The following EXPH5 variants were observed in gnomAD, a reference collection of about 807,000 sequenced individuals.
The protein encoded by EXPH5 is exophilin 5.
EXPH5 carries 42 observed loss-of-function variants against 41.1 expected under a neutral mutation model. The ratio of observed to expected loss-of-function variants is 1.02; its 90% CI spans 0.80 to 1.32. The LOEUF (loss-of-function observed/expected upper bound fraction) is 1.32, where lower values mean the gene tolerates loss of function less well. Among genes scored for constraint, EXPH5 ranks in the 40% most tolerant of loss-of-function variants. The pLI is 0.00. For synonymous variants in EXPH5, 798 were observed against 833.5 expected, an observed-to-expected ratio of 0.96 and a Z score of 0.73; for missense variants, 2,298 against 2,314.5, an observed-to-expected ratio of 0.99 and a Z score of 0.15.
chr11:108,574,336 C>T (rs920993903), intron 1 of EXPH5, among the ~76,000 whole-genome samples: 1 of 151,452 alleles, frequency 6.6e-6, no homozygotes, highest in African/African-American at 2.4e-5. Flanking sequence ...TGTCATTACA[C>T]CACTGCACTG....
intron 1 of EXPH5, among the ~76,000 whole-genome samples, chr11:108,546,728 C>T (rs535327804): frequency 2.6e-4 from 40 of 152,138 alleles, no homozygotes; most frequent in Non-Finnish European, 5.0e-4. Context: ...TTATTACTCT[C>T]CTAATCCAGG....
Position 108,514,867 on chromosome 11 carries a change from C to G in EXPH5, c.640G>C (p.Asp214His). Residue 214 changes from aspartate (D) to histidine (H), a missense_variant, in exon 6 of 6, where the codon GAC becomes CAC. Coordinates refer to ENST00000265843, the MANE Select transcript of EXPH5 (RefSeq NM_015065.3). Reference sequence around the variant, plus strand: ...TCCTGAGCCAATTTGCTATCCAAGTCATCTAAAACTGAAAAGAGAATGTGA... The same window carrying G: ...TCCTGAGCCAATTTGCTATCCAAGTGATCTAAAACTGAAAAGAGAATGTGA... The part of the protein sequence containing the change: ...LENEFFQVLD[D>H]LDSKLAQEQS... The G allele has an allele frequency of 6.9e-7, 1 of 1,438,932 alleles. No homozygotes were observed. The highest frequency in any genetic ancestry group is 9.1e-7 in the Non-Finnish European group (1 of 1,095,534). 89.1% of individuals were successfully genotyped at this position (1,438,932 alleles called of 1,614,324 possible).
intron 1 of EXPH5, 132 bp from the exon 2 acceptor site, chr11:108,541,944 C>T (rs1410021777): frequency 4.6e-6 from 3 of 647,808 alleles, no homozygotes; most frequent in Non-Finnish European, 7.6e-6. Flanking sequence ...GTGGCACAAC[C>T]TCGTCTCACT....
intron 1 of EXPH5, among the ~76,000 whole-genome samples, chr11:108,565,627 T>C (rs1423179079): frequency 6.6e-6 from 1 of 152,236 alleles, no homozygotes; most frequent in East Asian, 1.9e-4. Context: ...ATAAAATCAC[T>C]GTCCGAGCTT....
At chr11:108,536,401 G>T (rs550892592) in intron 3 of EXPH5, among the ~76,000 whole-genome samples, 4 of 152,156 alleles carry the variant, frequency 2.6e-5, no homozygotes, top group South Asian at 4.2e-4. Context: ...AAGTTGCTGG[G>T]ACTACAGGCT....
intron 4 of EXPH5, among the ~76,000 whole-genome samples, chr11:108,523,572 G>A (rs2093778940): frequency 6.6e-6 from 1 of 152,108 alleles, no homozygotes; most frequent in African/African-American, 2.4e-5. Flanking sequence ...ATACCAAGGT[G>A]GAAAACTAAC....
At chr11:108,599,034 C>T in the EXPH5 span, among the ~76,000 whole-genome samples, 8 of 112,706 alleles carry the variant, frequency 7.1e-5, no homozygotes, top group East Asian at 5.3e-4. Flanking sequence ...GAAAAAGAGA[C>T]GGAGAGAGAG....
intron 4 of EXPH5, among the ~76,000 whole-genome samples, chr11:108,524,136 C>T (rs1358543297): frequency 2.6e-5 from 4 of 152,114 alleles, no homozygotes; most frequent in Non-Finnish European, 4.4e-5. Context: ...ATGTTGGAGG[C>T]AGGACAGTGT....
chr11:108,605,673 C>T, the EXPH5 span, among the ~76,000 whole-genome samples: 1 of 152,360 alleles, frequency 6.6e-6, no homozygotes, highest in South Asian at 2.1e-4. Flanking sequence ...TTGTGGGATA[C>T]ACTCTGCTAA....
intron 3 of EXPH5, 98 bp from the exon 4 acceptor site, chr11:108,528,282 GAGA>G (rs754363759): frequency 9.0e-6 from 7 of 779,054 alleles, no homozygotes; most frequent in Non-Finnish European, 1.4e-5. Context: ...TTGACACCTT[GAGA>G]AGATCTATTT....
chr11:108,598,867 C>G, the EXPH5 span, among the ~76,000 whole-genome samples: 2 of 152,152 alleles, frequency 1.3e-5, no homozygotes, highest in Non-Finnish European at 2.9e-5. Context: ...ATCCTAAGGA[C>G]GTGGGCTTGG....
chr11:108,534,017 A>T (rs1011185173), intron 3 of EXPH5, among the ~76,000 whole-genome samples: 1 of 151,476 alleles, frequency 6.6e-6, no homozygotes, highest in African/African-American at 2.4e-5. Flanking sequence ...CTAATTTCAA[A>T]CTCTTGGCCT....
intron 4 of EXPH5, among the ~76,000 whole-genome samples, chr11:108,525,287 T>C (rs1413972774): frequency 6.6e-6 from 1 of 152,232 alleles, no homozygotes; most frequent in Admixed American, 6.5e-5. Context: ...CACACCAATC[T>C]GGACAAAAAG....
chr11:108,536,182 C>T (rs1185602577), intron 3 of EXPH5, among the ~76,000 whole-genome samples: 3 of 151,786 alleles, frequency 2.0e-5, no homozygotes, highest in Admixed American at 6.6e-5. Flanking sequence ...CAATCATTTA[C>T]AAATAGGATT....
At position 108,510,731 on chromosome 11, in the gene EXPH5, T is replaced by C; in HGVS notation, c.4776A>G (p.Lys1592=). The change falls in exon 6 of 6, where the codon AAA becomes AAG. Residue 1592 remains lysine, a synonymous_variant. Transcript: ENST00000265843. ...LVKGENRSSV[K]HRLAAMSKAS... Reference sequence around the variant, plus strand: ...CTTTAGACATGGCTGCCAATCTGTGTTTAACTGAAGATCTATTTTCCCCCT... The same window carrying C: ...CTTTAGACATGGCTGCCAATCTGTGCTTAACTGAAGATCTATTTTCCCCCT... The C allele has an allele frequency of 6.2e-7, 1 of 1,614,222 alleles. No homozygotes were observed. The highest frequency in any genetic ancestry group is 8.5e-7 in the Non-Finnish European group (1 of 1,180,046).
chr11:108,514,011 G>A lies in EXPH5; in HGVS notation c.1496C>T (p.Ser499Leu). ...FWSDFHRSRK[S>L]FSSSDRDFEM... ...AAAGTCTCTGTCAGAAGAACTGAAT[G>A]ATTTCCTGCTTCGATGAAAGTCAGA... Residue 499 changes from serine (S) to leucine (L), a missense_variant, in exon 6 of 6, where the codon TCA becomes TTA. Ser to Leu is a moderately radical substitution (Grantham distance 145, BLOSUM62 -2). Transcript: ENST00000265843. The A allele has an allele frequency of 6.2e-7, 1 of 1,613,784 alleles. No individual in the cohort carries two copies. Among genetic ancestry groups the A allele is most frequent in the Non-Finnish European group, 8.5e-7 (1 of 1,179,878 alleles).
At position 108,514,075 on chromosome 11, in the gene EXPH5, C is replaced by G; in HGVS notation, c.1432G>C (p.Gly478Arg). The G allele has an allele frequency of 1.2e-6, 2 of 1,614,028 alleles. No homozygotes were observed. The highest frequency in any genetic ancestry group is 1.7e-6 in the Non-Finnish European group (2 of 1,179,970). ...CCTTTCTCTTGGCCCCAAAAAGGAC[C>G]TTGTCCAAATCTCCTCTGTTCTCCG... ...RSGEQRRFGQGPFWGQEKGHS... is the reference protein window; with the variant it reads ...RSGEQRRFGQRPFWGQEKGHS... The change falls in exon 6 of 6, where the codon GGT becomes CGT. Residue 478 changes from glycine (G) to arginine (R), a missense_variant. By Grantham distance (125) the Gly-to-Arg change is moderately radical. Coordinates refer to ENST00000265843, the MANE Select transcript of EXPH5 (RefSeq NM_015065.3).
intron 5 of EXPH5, among the ~76,000 whole-genome samples, 167 bp from the exon 6 acceptor site, chr11:108,515,042 C>T (rs1285006198): frequency 6.6e-6 from 1 of 152,108 alleles, no homozygotes; most frequent in Non-Finnish European, 1.5e-5. Context: ...GATAGCCTGA[C>T]TTTTATAAGA....
chr11:108,523,177 C>T (rs1443316358), intron 4 of EXPH5, among the ~76,000 whole-genome samples: 1 of 152,088 alleles, frequency 6.6e-6, no homozygotes, highest in African/African-American at 2.4e-5. Flanking sequence ...CGCCCAGCCT[C>T]CAACTTTCTT....
Sources: allele counts gnomAD v4.1 joint callset (sites outside exome capture counted in the v4.1 genomes callset), GRCh38; gene constraint gnomAD v4.1.1; transcripts MANE v1.5; gene names NCBI Gene and HGNC (gene_info 2026-07-23, HGNC 2026-07-21).